GATA6: variants seen among roughly 807,000 people sequenced by gnomAD.
GATA6 encodes GATA binding protein 6.
Under a neutral mutation model 48.1 loss-of-function variants are expected in GATA6, and 11 were observed. That is an observed-to-expected ratio of 0.23 (90% CI 0.14 to 0.38). GATA6 has a LOEUF of 0.38. GATA6 is among the 10% of genes least tolerant of loss of function. The pLI is 1.00. For missense variants in GATA6, 795 were observed against 850.3 expected, an observed-to-expected ratio of 0.93 and a Z score of 0.81; for synonymous variants, 419 against 396.1, an observed-to-expected ratio of 1.06 and a Z score of -0.69.
chr18:22,181,578 G>A lies in GATA6; in HGVS notation c.1428G>A (p.Gly476=). ...GTGGACTCTACATGAAACTCCATGG[G>A]GTATGCCATGTATTCTGCTCACTTG... ...NACGLYMKLH[G]VPRPLAMKKE... Residue 476 remains glycine, a splice_region_variant and synonymous_variant, in exon 4 of 7, where the codon GGG becomes GGA. Transcript: ENST00000269216. 1 of 1,613,958 alleles carries A rather than the reference G, an allele frequency of 6.2e-7. No individual in the cohort carries two copies. The highest frequency in any genetic ancestry group is 1.1e-5 in the South Asian group (1 of 91,066).
chr18:22,199,238 GTGC>G (rs2033427334), intron 6 of GATA6, among the ~76,000 whole-genome samples: 1 of 152,164 alleles, frequency 6.6e-6, no homozygotes, highest in Admixed American at 6.5e-5. Flanking sequence ...CCTGTGTCTG[GTGC>G]CAGAGAAATG....
In GATA6 at chr18:22,196,342, G is replaced by GA. The variant is rs1432837276; in HGVS notation, c.1621-4307dup. On this transcript the variant is annotated intron_variant, in intron 6 of 6. Coordinates refer to ENST00000269216, the MANE Select transcript of GATA6 (RefSeq NM_005257.6). The stretch of plus-strand genomic sequence containing the variant: ...TGCCAAATAGCTTAACATTTTGTCT[G>GA]AAAAAAAGACAGGTTATTTTCGCCA... Among the ~76,000 whole-genome samples the GA allele has an allele frequency of 5.9e-5, 9 of 152,084 alleles. No homozygotes were observed. The East Asian group carries it at 1.7e-3, about 29-fold the overall frequency.
Position 22,183,012 on chromosome 18 carries a change from C to A in GATA6, c.1589C>A (p.Thr530Asn). ...SSNSDDCSKN[T>N]SPTTQPTASG... Reference sequence around the variant, plus strand: ...AACTCAGATGATTGCAGCAAAAATACTTCCCCCACAACACAACCTACAGCC... The same window carrying A: ...AACTCAGATGATTGCAGCAAAAATAATTCCCCCACAACACAACCTACAGCC... Residue 530 changes from threonine to asparagine, a missense_variant, in exon 6 of 7, where the codon ACT becomes AAT. Around this residue, in one of 5 missense-constraint regions of GATA6, gnomAD observed 103 missense variants for 103.7 expected, o/e 0.99. Transcript: ENST00000269216. 6.2e-7 allele frequency: 1 copy of A among 1,613,936 alleles called. No individual in the cohort carries two copies. The highest frequency in any genetic ancestry group is 8.5e-7 in the Non-Finnish European group (1 of 1,179,828).
At position 22,170,842 on chromosome 18, in the gene GATA6, C is replaced by A. The variant is rs1355441983; in HGVS notation, c.-37-266C>A. 4.1e-6 allele frequency: 2 copies of A among 488,642 alleles called. No individual in the cohort carries two copies. The highest frequency in any genetic ancestry group is 7.3e-5 in the East Asian group (2 of 27,466). 30.3% of individuals were successfully genotyped at this position (488,642 alleles called of 1,614,324 possible). A position where few individuals can be genotyped will look rare whatever the true frequency, so the allele number is the denominator to read the frequency against. Reference sequence around the variant, plus strand: ...GCCGAGGGGGTGGGCGGGGAGGACGCGGGGACCGGAGCGGTGCCTTTGAGG... The same window carrying A: ...GCCGAGGGGGTGGGCGGGGAGGACGAGGGGACCGGAGCGGTGCCTTTGAGG... On this transcript the variant is annotated intron_variant, in intron 1 of 6. Coordinates refer to ENST00000269216, the MANE Select transcript of GATA6 (RefSeq NM_005257.6). This position sits in a 1 kb window ranked among gnomAD's most constrained non-coding sequence, Gnocchi z 6.7.
At chr18:22,200,205 G>A (rs533669501) in intron 6 of GATA6, among the ~76,000 whole-genome samples, 23 of 151,876 alleles carry the variant, frequency 1.5e-4, no homozygotes, top group Admixed American at 5.2e-4. Context: ...GTGTGTGCGC[G>A]CGCACGCATG....
rs1372369528 is a variant in GATA6 at position 22,181,465 on chromosome 18, C to T, written c.1315C>T (p.Arg439Trp). The T allele has an allele frequency of 1.2e-6, 2 of 1,614,158 alleles. No individual in the cohort carries two copies. Among genetic ancestry groups the T allele is most frequent in the Middle Eastern group, 1.6e-4 (1 of 6,062 alleles). Residue 439 changes from arginine (R) to tryptophan (W), a missense_variant, in exon 4 of 7, where the codon CGG becomes TGG. Arg to Trp is a moderately radical substitution (Grantham distance 101). Around this residue, in one of 5 missense-constraint regions of GATA6, gnomAD observed 76 missense variants for 113.1 expected, o/e 0.67. Coordinates refer to ENST00000269216, the MANE Select transcript of GATA6 (RefSeq NM_005257.6). ...GTACTGTTTCTAGCCTTCATCACGGCGGCTTGGATTGTCCTGTGCCAACTG... is the reference window on the plus strand; with the variant it reads ...GTACTGTTTCTAGCCTTCATCACGGTGGCTTGGATTGTCCTGTGCCAACTG... ...KPQKRVPSSR[R>W]LGLSCANCHT... is the part of the protein sequence containing the mutation.
chr18:22,193,189 G>A (rs572591701), intron 6 of GATA6, among the ~76,000 whole-genome samples: 1 of 152,340 alleles, frequency 6.6e-6, no homozygotes, highest in African/African-American at 2.4e-5. Context: ...GAGAAAAGGT[G>A]TCCATGTTCC....
intron 2 of GATA6, chr18:22,176,690 G>T (rs770310444): frequency 4.9e-6 from 2 of 411,160 alleles, no homozygotes; most frequent in Non-Finnish European, 8.7e-6. Context: ...GGACTCTGAC[G>T]TCCTCTGCTT....
chr18:22,184,612 A>G (rs1353990279), intron 6 of GATA6, among the ~76,000 whole-genome samples: 1 of 151,776 alleles, frequency 6.6e-6, no homozygotes, highest in Non-Finnish European at 1.5e-5. Flanking sequence ...CTCCCACTTC[A>G]GCCTCCCGAG....
chr18:22,200,646 C>A lies in GATA6; in HGVS notation c.1621-10C>A. On this transcript the variant is annotated splice_polypyrimidine_tract_variant and intron_variant, in intron 6 of 6. Transcript: ENST00000269216. ...TCTCGTCTCTCCTCTGTGTCCCCCT[C>A]TTCTGCCAGGCGGGTGCCCCGGTGA... The A allele has an allele frequency of 6.2e-7, 1 of 1,614,282 alleles. No homozygotes were observed. Among genetic ancestry groups the A allele is most frequent in the East Asian group, 2.2e-5 (1 of 44,886 alleles).
chr18:22,192,616 C>T (rs2033341058), intron 6 of GATA6, among the ~76,000 whole-genome samples: 1 of 152,170 alleles, frequency 6.6e-6, no homozygotes, highest in Non-Finnish European at 1.5e-5. Flanking sequence ...TTAAGATGCT[C>T]ATCCATCTCC....
At chr18:22,196,004 G>A (rs1282997556) in intron 6 of GATA6, among the ~76,000 whole-genome samples, 1 of 152,194 alleles carries the variant, frequency 6.6e-6, no homozygotes, top group Non-Finnish European at 1.5e-5. Context: ...ACTTCTGGAT[G>A]GCTCTTGACA....
At position 22,172,136 on chromosome 18, in the gene GATA6, A is replaced by G. The variant is rs1349028772; in HGVS notation, c.992A>G (p.His331Arg). Residue 331 changes from histidine to arginine, a missense_variant, in exon 2 of 7, where the codon CAC becomes CGC. His to Arg is a conservative substitution (Grantham distance 29). Coordinates refer to ENST00000269216, the MANE Select transcript of GATA6 (RefSeq NM_005257.6). The surrounding 1 kb of genome is among the most constrained non-coding windows in gnomAD (Gnocchi z 5.2). The stretch of plus-strand genomic sequence containing the variant: ...TACCACCACCACCACCACCACCACC[A>G]CCACCATCCGAGCCCCTACTCGCCC... Reference protein sequence around the residue: ...GTYHHHHHHHHHHPSPYSPYV... With the variant: ...GTYHHHHHHHRHHPSPYSPYV... 7.1e-7 allele frequency: 1 copy of G among 1,403,514 alleles called. No individual in the cohort carries two copies. Among genetic ancestry groups the G allele is most frequent in the Admixed American group, 2.1e-5 (1 of 46,542 alleles). 86.9% of individuals were successfully genotyped at this position (1,403,514 alleles called of 1,614,324 possible). A position where few individuals can be genotyped will look rare whatever the true frequency, so the allele number is the denominator to read the frequency against.
intron 2 of GATA6, among the ~76,000 whole-genome samples, chr18:22,173,643 C>A (rs1024161863): frequency 1.3e-5 from 2 of 152,162 alleles, no homozygotes; most frequent in Non-Finnish European, 2.9e-5. Flanking sequence ...TTCTTCCAAG[C>A]GCTGCAAGAC....
Position 22,171,056 on chromosome 18 carries a change from C to A in GATA6, c.-37-52C>A. The A allele has an allele frequency of 8.7e-7, 1 of 1,147,052 alleles. No homozygotes were observed. Among genetic ancestry groups the A allele is most frequent in the South Asian group, 1.3e-5 (1 of 77,842 alleles). 71.1% of individuals were successfully genotyped at this position (1,147,052 alleles called of 1,614,324 possible). On this transcript the variant is annotated intron_variant, in intron 1 of 6. Transcript: ENST00000269216. This position sits in a 1 kb window ranked among gnomAD's most constrained non-coding sequence, Gnocchi z 7.1. The stretch of plus-strand genomic sequence containing the variant: ...GGCGAGGTAGCGTGCAGCCTACGCT[C>A]TTGTTAACCCGTCGATCTCCTACCA...
intron 6 of GATA6, among the ~76,000 whole-genome samples, chr18:22,188,005 G>A (rs1417024341): frequency 2.6e-5 from 4 of 152,080 alleles, no homozygotes; most frequent in African/African-American, 9.7e-5. Flanking sequence ...GGGAGACTGA[G>A]GCTGGAGGAT....
chr18:22,185,320 T>C lies in GATA6; in HGVS notation c.1620+2277T>C, dbSNP rs1053412498. On this transcript the variant is annotated intron_variant, in intron 6 of 6. Transcript: ENST00000269216. The surrounding 1 kb of genome is among the most constrained non-coding windows in gnomAD (Gnocchi z 4.3). Reference sequence around the variant, plus strand: ...AGGCCAGGAGGCAAAGCAACAAGGATGTTAAGGATGGGGTTGGAGAGTACT... The same window carrying C: ...AGGCCAGGAGGCAAAGCAACAAGGACGTTAAGGATGGGGTTGGAGAGTACT... Among the ~76,000 whole-genome samples, 1 of 152,072 alleles carries C rather than the reference T, an allele frequency of 6.6e-6. No homozygotes were observed. The highest frequency in any genetic ancestry group is 1.5e-5 in the Non-Finnish European group (1 of 68,014).
At chr18:22,196,349 A>C (rs1289336574) in intron 6 of GATA6, among the ~76,000 whole-genome samples, 1 of 152,202 alleles carries the variant, frequency 6.6e-6, no homozygotes, top group African/African-American at 2.4e-5. Context: ...TCTGAAAAAA[A>C]GACAGGTTAT....
In GATA6 at chr18:22,177,961, T is replaced by G. The variant is rs867069383; in HGVS notation, c.1302+840T>G. ...GTTTTACTGTTTTTTTGTTTTTTTT[T>G]TTTTTTTTTTTTTTTTTGAGACGGA... On this transcript the variant is annotated intron_variant, in intron 3 of 6. Transcript: ENST00000269216. 3.2e-3 allele frequency among the ~76,000 whole-genome samples: 427 copies of G among 134,908 alleles called. 2 individuals are homozygous for G. Among genetic ancestry groups the G allele is most frequent in the South Asian group, 6.3e-3 (25 of 3,984 alleles). 88.5% of individuals were successfully genotyped at this position (134,908 alleles called of 152,430 possible).
Sources: gnomAD v4.1 joint callset for allele counts (sites outside exome capture counted in the v4.1 genomes callset) on GRCh38, gnomAD v4.1.1 for gene constraint, gnomAD v4.1.1 regional missense constraint, Gnocchi (gnomAD v3.1) non-coding constraint, MANE v1.5 for transcripts, NCBI Gene and HGNC (gene_info 2026-07-23, HGNC 2026-07-21) for gene names.